PHLPP1: variants seen among roughly 807,000 people sequenced by gnomAD.
PHLPP1 encodes PH domain and leucine rich repeat protein phosphatase 1.
In PHLPP1, 42 loss-of-function variants were observed where a neutral mutation model predicts 117.2. The ratio of observed to expected loss-of-function variants is 0.36; its 90% CI spans 0.28 to 0.46. PHLPP1 has a LOEUF of 0.46. Among genes scored for constraint, PHLPP1 ranks in the 20% least tolerant of loss-of-function variants. The probability of loss-of-function intolerance (pLI) is 1.00; values close to 1 mark genes in which losing one functional copy is unlikely to be tolerated. For synonymous variants in PHLPP1, 1,042 were observed against 970.7 expected (o/e 1.07, Z -1.37); for missense variants, 2,084 against 2,241.9 (o/e 0.93, Z 1.42).
intron 3 of PHLPP1, among the ~76,000 whole-genome samples, chr18:62,853,465 G>A (rs1915412428): frequency 6.6e-6 from 1 of 151,826 alleles, no homozygotes; most frequent in Admixed American, 6.6e-5. Context: ...TGCCTCTCGG[G>A]TTCAAGCGAT....
chr18:62,912,196 A>G (rs1484332357), intron 8 of PHLPP1, among the ~76,000 whole-genome samples: 2 of 148,464 alleles, frequency 1.3e-5, no homozygotes, highest in Non-Finnish European at 3.0e-5. Flanking sequence ...AGATATACCT[A>G]ATGCTAGATG....
At chr18:62,921,703 A>AT (rs1909475966) in intron 10 of PHLPP1, among the ~76,000 whole-genome samples, 1 of 152,170 alleles carries the variant, frequency 6.6e-6, no homozygotes, top group South Asian at 2.1e-4. Context: ...CTGGCTTTAT[A>AT]TTTTTTTCTT....
intron 1 of PHLPP1, among the ~76,000 whole-genome samples, chr18:62,828,829 T>A (rs1198234527): frequency 2.6e-5 from 4 of 152,222 alleles, no homozygotes; most frequent in Non-Finnish European, 5.9e-5. Flanking sequence ...AATAAATATG[T>A]TATTCCTGAC....
chr18:62,782,020 T>G (rs1450134337), intron 1 of PHLPP1, among the ~76,000 whole-genome samples: 1 of 152,230 alleles, frequency 6.6e-6, no homozygotes, highest in Non-Finnish European at 1.5e-5. Context: ...TTGTTTCACA[T>G]TCTTTTTTGT....
chr18:62,773,409 ATAG>A, intron 1 of PHLPP1, among the ~76,000 whole-genome samples: 1 of 152,296 alleles, frequency 6.6e-6, no homozygotes, highest in Middle Eastern at 3.4e-3. Context: ...TGGCCTTGAT[ATAG>A]TTTACCTTAC....
At chr18:62,937,200 A>C (rs1166848858) in intron 10 of PHLPP1, among the ~76,000 whole-genome samples, 2 of 152,266 alleles carry the variant, frequency 1.3e-5, no homozygotes, top group African/African-American at 4.8e-5. Flanking sequence ...GATGAGTCAA[A>C]TGGACAGAAT....
intron 3 of PHLPP1, among the ~76,000 whole-genome samples, chr18:62,846,101 C>T (rs1404605960): frequency 2.7e-5 from 4 of 150,618 alleles, no homozygotes; most frequent in East Asian, 2.0e-4. Context: ...CCCAGCTACC[C>T]GGGAGGCTGA....
chr18:62,878,469 A>G (rs1916099605), intron 4 of PHLPP1, among the ~76,000 whole-genome samples: 1 of 152,182 alleles, frequency 6.6e-6, no homozygotes, highest in Admixed American at 6.6e-5. Context: ...AGGACCCATG[A>G]AAATGTCTGT....
At chr18:62,903,708 T>C (rs1568156800) in intron 7 of PHLPP1, among the ~76,000 whole-genome samples, 2 of 150,406 alleles carry the variant, frequency 1.3e-5, no homozygotes, top group Admixed American at 6.7e-5. Context: ...AGGTGGAGGC[T>C]GCGGTCGTCT....
chr18:62,912,400 CTT>C (rs1224002124), intron 8 of PHLPP1, among the ~76,000 whole-genome samples: 9 of 150,378 alleles, frequency 6.0e-5, no homozygotes, highest in African/African-American at 2.2e-4. Flanking sequence ...TCATAAAACT[CTT>C]TGAGTAGTGC....
intron 10 of PHLPP1, among the ~76,000 whole-genome samples, chr18:62,940,100 C>G (rs1354166257): frequency 6.6e-6 from 1 of 152,042 alleles, no homozygotes; most frequent in African/African-American, 2.4e-5. Context: ...CCACCTGCTG[C>G]AGCTGCACAG....
At chr18:62,912,903 G>C (rs1916998204) in intron 8 of PHLPP1, among the ~76,000 whole-genome samples, 1 of 152,190 alleles carries the variant, frequency 6.6e-6, no homozygotes, top group African/African-American at 2.4e-5. Context: ...TTATAGGCAT[G>C]AACCACCATG....
intron 4 of PHLPP1, among the ~76,000 whole-genome samples, chr18:62,888,801 T>A (rs1916346676): frequency 1.3e-5 from 2 of 152,224 alleles, no homozygotes; most frequent in South Asian, 4.1e-4. Context: ...AGACTTTTCC[T>A]CCATACCAGG....
chr18:62,978,125 CCTT>C lies in PHLPP1; in HGVS notation c.3985-133_3985-131del, dbSNP rs1911247900. On this transcript the variant is annotated intron_variant, in intron 16 of 16. Coordinates refer to ENST00000262719, the MANE Select transcript of PHLPP1 (RefSeq NM_194449.4). The surrounding 1 kb of genome is among the most constrained non-coding windows in gnomAD (Gnocchi z 7.0). ...ATTAACTACTCACTACAGAGTGAGC[CCTT>C]CTTTCCTCTGTGGGCCACACAGCAC... The C allele has an allele frequency of 1.7e-6, 1 of 603,586 alleles. No individual in the cohort carries two copies. The highest frequency in any genetic ancestry group is 3.0e-6 in the Non-Finnish European group (1 of 336,412). 37.4% of individuals were successfully genotyped at this position (603,586 alleles called of 1,614,324 possible).
At chr18:62,742,555 C>A (rs1911560744) in intron 1 of PHLPP1, among the ~76,000 whole-genome samples, 4 of 152,190 alleles carry the variant, frequency 2.6e-5, no homozygotes, top group Non-Finnish European at 4.4e-5. Flanking sequence ...CCTGCCTCAG[C>A]CTCCTGAGTA....
intron 2 of PHLPP1, among the ~76,000 whole-genome samples, chr18:62,836,387 G>C (rs569792200): frequency 1.3e-5 from 2 of 151,116 alleles, no homozygotes; most frequent in African/African-American, 4.9e-5. Flanking sequence ...AGCTGAGATC[G>C]TGCCACTGCA....
intron 3 of PHLPP1, among the ~76,000 whole-genome samples, chr18:62,852,305 T>G (rs1424573564): frequency 6.6e-6 from 1 of 152,176 alleles, no homozygotes; most frequent in Non-Finnish European, 1.5e-5. Flanking sequence ...TATGCTTTTA[T>G]TGGAACATTA....
intron 1 of PHLPP1, among the ~76,000 whole-genome samples, chr18:62,766,076 A>AAATATATATATAT: frequency 4.6e-4 from 10 of 21,656 alleles, no homozygotes; most frequent in Admixed American, 7.9e-4. Flanking sequence ...AAAAAAAAAA[A>AAATATATATATAT]ATATATATAT....
In PHLPP1 at chr18:62,978,551, C is replaced by T. The variant is rs1162424300; in HGVS notation, c.4274C>T (p.Thr1425Ile). 1.2e-6 allele frequency: 2 copies of T among 1,612,186 alleles called. No homozygotes were observed. The highest frequency in any genetic ancestry group is 3.3e-5 in the Admixed American group (2 of 59,778). ...ISAVVVQLSV[T>I]EDSFCCCELS... is the part of the protein sequence containing the mutation. ...GCTGTGGTGGTGCAGCTCAGTGTCACTGAGGACAGCTTCTGCTGCTGCGAG... is the reference window on the plus strand; with the variant it reads ...GCTGTGGTGGTGCAGCTCAGTGTCATTGAGGACAGCTTCTGCTGCTGCGAG... The change falls in exon 17 of 17, where the codon ACT (threonine) becomes ATT (isoleucine). Residue 1425 changes from threonine (T) to isoleucine (I), a missense_variant. This residue lies in a region of PHLPP1 where 1,365 missense variants were observed against 1,605.9 expected (regional missense o/e 0.85). Transcript: ENST00000262719. This position sits in a 1 kb window ranked among gnomAD's most constrained non-coding sequence, Gnocchi z 7.0.
Sources: allele counts gnomAD v4.1 joint callset (sites outside exome capture counted in the v4.1 genomes callset), GRCh38; gene constraint gnomAD v4.1.1; regional missense constraint gnomAD v4.1.1; non-coding constraint Gnocchi (gnomAD v3.1); transcripts MANE v1.5; gene names NCBI Gene and HGNC (gene_info 2026-07-23, HGNC 2026-07-21).